NOL3: variants seen among roughly 807,000 people sequenced by gnomAD.
NOL3 encodes the protein muscle-enriched cytoplasmic protein.
Under a neutral mutation model 19.2 loss-of-function variants are expected in NOL3, and 18 were observed. The observed-to-expected ratio is 0.94, with a 90% confidence interval of 0.65 to 1.39. The LOEUF (loss-of-function observed/expected upper bound fraction) is 1.39. NOL3 is among the 40% of genes most tolerant of loss of function. The pLI, the probability that NOL3 is intolerant of heterozygous loss-of-function variation, is 0.00. For missense variants in NOL3, 290 were observed against 289.5 expected, an observed-to-expected ratio of 1.00 and a Z score of -0.01; for synonymous variants, 127 against 137.3, an observed-to-expected ratio of 0.93 and a Z score of 0.52.
At chr16:67,171,746 G>C (rs1188705467) in intron 1 of NOL3, 2 of 152,310 alleles carry the variant, frequency 1.3e-5, no homozygotes, top group African/African-American at 4.8e-5. Flanking sequence ...CTAGCCCAGA[G>C]GGTTGTCAAA....
At chr16:67,175,297 C>T (rs986987689) in exon 4 of NOL3, 6 of 1,420,506 alleles carry the variant, frequency 4.2e-6, no homozygotes, top group Non-Finnish European at 5.5e-6. Context: ...GAGCATCATC[C>T]AGTCCTCAGC....
At chr16:67,175,050 C>A in exon 4 of NOL3, 1 of 1,614,234 alleles carries the variant, frequency 6.2e-7, no homozygotes, top group Non-Finnish European at 8.5e-7. Flanking sequence ...TCTCTAGATT[C>A]CTGAAGGCCA....
chr16:67,174,936 A>G, exon 3 of NOL3: 2 of 1,611,700 alleles, frequency 1.2e-6, no homozygotes, highest in Non-Finnish European at 1.7e-6. Flanking sequence ...GAAAGGGACG[A>G]GTCCGAAGGT....
At chr16:67,171,710 T>G (rs1244668976) in intron 1 of NOL3, 1 of 152,238 alleles carries the variant, frequency 6.6e-6, no homozygotes, top group Non-Finnish European at 1.5e-5. Flanking sequence ...GCCTGTCTCC[T>G]CATCTGTAAA....
At chr16:67,171,029 C>T (rs575815918) in intron 1 of NOL3, 1 of 152,398 alleles carries the variant, frequency 6.6e-6, no homozygotes, top group South Asian at 2.1e-4. Context: ...GTCTCTACCC[C>T]CAGACAGGAT....
chr16:67,172,723 C>A, intron 1 of NOL3: 1 of 151,470 alleles, frequency 6.6e-6, no homozygotes, highest in Non-Finnish European at 1.5e-5. Context: ...TCACAAAGTG[C>A]TGGTAATCCC....
chr16:67,173,808 C>T (rs2031919377), intron 1 of NOL3: 2 of 1,473,326 alleles, frequency 1.4e-6, no homozygotes, highest in South Asian at 1.2e-5. Flanking sequence ...CTGAACTCGC[C>T]TCGGATTTGC....
At chr16:67,173,683 G>C in intron 1 of NOL3, 1 of 603,926 alleles carries the variant, frequency 1.7e-6, no homozygotes, top group Non-Finnish European at 2.9e-6. Flanking sequence ...AGTCAGACTG[G>C]AAAGGACTTG....
Position 67,174,616 on chromosome 16 carries a change from C to T in NOL3, c.296-5C>T, listed in dbSNP as rs1364463248. 1 of 1,526,068 alleles carries T rather than the reference C, an allele frequency of 6.6e-7. No homozygotes were observed. Among genetic ancestry groups the T allele is most frequent in the Non-Finnish European group, 8.8e-7 (1 of 1,141,216 alleles). 94.5% of individuals were successfully genotyped at this position (1,526,068 alleles called of 1,614,324 possible). Reference sequence around the variant, plus strand: ...GAGCCTCAGTCACTCCCACTTCCGCCCCAGGCTACCGGGACCGCAGCTATG... The same window carrying T: ...GAGCCTCAGTCACTCCCACTTCCGCTCCAGGCTACCGGGACCGCAGCTATG... On this transcript the variant is annotated splice_region_variant and splice_polypyrimidine_tract_variant and intron_variant, in intron 2 of 3. Transcript: ENST00000268605.
intron 2 of NOL3, 77 bp downstream of exon 2, chr16:67,174,541 TGTC>T: frequency 1.3e-6 from 2 of 1,481,998 alleles, no homozygotes; most frequent in South Asian, 2.8e-5. Flanking sequence ...AGGGCAGGGT[TGTC>T]GTCTCCGCTA....
chr16:67,174,472 C>A lies in NOL3; in HGVS notation c.295+8C>A. 1.4e-6 allele frequency: 2 copies of A among 1,481,184 alleles called. No individual in the cohort carries two copies. Among genetic ancestry groups the A allele is most frequent in the Non-Finnish European group, 1.8e-6 (2 of 1,122,390 alleles). The allele number at this position is 1,481,184 out of a possible 1,614,324, so 91.8% of individuals were successfully genotyped here. On this transcript the variant is annotated splice_region_variant and intron_variant, in intron 2 of 3. Transcript: ENST00000268605. Reference sequence around the variant, plus strand: ...GGCAGCACGTGGGTCCGGGTGAGCGCGCGGGGCGGGGCCTAGGGCAGAGCA... The same window carrying A: ...GGCAGCACGTGGGTCCGGGTGAGCGAGCGGGGCGGGGCCTAGGGCAGAGCA...
At chr16:67,175,251 G>A (rs1429573465) in exon 4 of NOL3, 1 of 1,469,850 alleles carries the variant, frequency 6.8e-7, no homozygotes. Context: ...GGGTACCTCT[G>A]AGTCCCAGGG....
chr16:67,174,778 G>GGAGCCA (rs2145957938), exon 3 of NOL3: 4 of 1,607,986 alleles, frequency 2.5e-6, no homozygotes, highest in African/African-American at 1.3e-5. Flanking sequence ...GGACCCCGGA[G>GGAGCCA]GAGCCAGAGC....
chr16:67,174,499 G>A (rs1174072572), intron 2 of NOL3, 35 bp downstream of exon 2: 1 of 1,469,920 alleles, frequency 6.8e-7, no homozygotes. Context: ...GGCAGAGCAG[G>A]GACGGGGCTG....
At chr16:67,174,759 T>A in exon 3 of NOL3, 2 of 1,609,292 alleles carry the variant, frequency 1.2e-6, no homozygotes, top group Non-Finnish European at 1.7e-6. Context: ...TCCGAGGCGG[T>A]GCAATCCGGG....
At position 67,174,601 on chromosome 16, in the gene NOL3, C is replaced by T. The variant is rs1341565184; in HGVS notation, c.296-20C>T. 2 of 1,520,982 alleles carry T rather than the reference C, an allele frequency of 1.3e-6. No individual in the cohort carries two copies. Among genetic ancestry groups the T allele is most frequent in the Non-Finnish European group, 1.8e-6 (2 of 1,138,842 alleles). 94.2% of individuals were successfully genotyped at this position (1,520,982 alleles called of 1,614,324 possible). On this transcript the variant is annotated intron_variant, in intron 2 of 3. Transcript: ENST00000268605. ...GCACAGGGGTAAATTGAGCCTCAGT[C>T]ACTCCCACTTCCGCCCCAGGCTACC...
chr16:67,174,844 AGAGCTG>A (rs1304956696), exon 3 of NOL3: 1 of 1,606,824 alleles, frequency 6.2e-7, no homozygotes. Context: ...AGCCAGAGCC[AGAGCTG>A]GAACCCGAGG....
intron 2 of NOL3, 23 bp from the exon 3 acceptor site, chr16:67,174,596 TCA>T: frequency 6.6e-7 from 1 of 1,517,174 alleles, no homozygotes; most frequent in Non-Finnish European, 8.8e-7. Flanking sequence ...AAATTGAGCC[TCA>T]GTCACTCCCA....
chr16:67,175,242 G>A (rs1267257052), exon 4 of NOL3: 2 of 1,486,490 alleles, frequency 1.3e-6, no homozygotes, highest in African/African-American at 2.8e-5. Flanking sequence ...ACTTAGGGTG[G>A]GTACCTCTGA....
Sources: gnomAD v4.1 joint callset for allele counts on GRCh38, gnomAD v4.1.1 for gene constraint, MANE v1.5 for transcripts, NCBI Gene and HGNC (gene_info 2026-07-23, HGNC 2026-07-21) for gene names.